Variants in MLF2 observed in about 807,000 individuals in gnomAD.
MLF2 encodes the protein myeloid leukemia factor 2, also known as myelodysplasia-myeloid leukemia factor 2.
In MLF2, 12 loss-of-function variants were observed where a neutral mutation model predicts 31.4. That is an observed-to-expected ratio of 0.38 (90% CI 0.24 to 0.62). The LOEUF (loss-of-function observed/expected upper bound fraction) is 0.62, where lower values mean the gene tolerates loss of function less well. MLF2 is among the 20% of genes least tolerant of loss of function. The pLI is 0.58. For missense variants in MLF2, 272 were observed against 359.7 expected (o/e 0.76, Z 1.97); for synonymous variants, 109 against 118.8 (o/e 0.92, Z 0.54).
chr12:6,750,244 G>A lies in MLF2; in HGVS notation c.332C>T (p.Ser111Phe), dbSNP rs748803004. 7 of 1,614,090 alleles carry A rather than the reference G, an allele frequency of 4.3e-6. No individual in the cohort carries two copies. The highest frequency in any genetic ancestry group is 5.9e-6 in the Non-Finnish European group (7 of 1,180,046). ...CTTGGGGGCACCATCACCCGTATTG[G>A]AGTAGGAGATGACAGTGGAAGATGA... ...TFSSSTVISYSNTGDGAPKVY... is the reference protein window; with the variant it reads ...TFSSSTVISYFNTGDGAPKVY... The change falls in exon 6 of 9, where the codon TCC becomes TTC. Residue 111 changes from serine to phenylalanine, a missense_variant. Ser to Phe is a radical substitution (Grantham distance 155, BLOSUM62 -2). Transcript: ENST00000203630. This position sits in a 1 kb window ranked among gnomAD's most constrained non-coding sequence, Gnocchi z 5.3.
In MLF2 at chr12:6,751,998, C is replaced by A; in HGVS notation, c.107G>T (p.Gly36Val). ...TGTGATGCTGAGGAAGGGGCTATATCCAAAGCCACCTGACAACATACGGCT... is the reference window on the plus strand; with the variant it reads ...TGTGATGCTGAGGAAGGGGCTATATACAAAGCCACCTGACAACATACGGCT... ...HMSRMLSGGFGYSPFLSITDG... is the reference protein window; with the variant it reads ...HMSRMLSGGFVYSPFLSITDG... The change falls in exon 3 of 9, where the codon GGA (glycine) becomes GTA (valine). Residue 36 changes from glycine to valine, a missense_variant. Gly to Val is a moderately radical substitution (Grantham distance 109). Coordinates refer to ENST00000203630, the MANE Select transcript of MLF2 (RefSeq NM_001382226.1). The A allele has an allele frequency of 6.2e-7, 1 of 1,614,204 alleles. No individual in the cohort carries two copies. Among genetic ancestry groups the A allele is most frequent in the Non-Finnish European group, 8.5e-7 (1 of 1,180,044 alleles).
rs2137778022 is a variant in MLF2 at position 6,748,715 on chromosome 12, T to G, written c.*25+55A>C. 7.4e-7 allele frequency: 1 copy of G among 1,358,382 alleles called. No homozygotes were observed. The highest frequency in any genetic ancestry group is 9.8e-7 in the Non-Finnish European group (1 of 1,022,444). 84.1% of individuals were successfully genotyped at this position (1,358,382 alleles called of 1,614,324 possible). On this transcript the variant is annotated intron_variant, in intron 8 of 8. Transcript: ENST00000203630. The surrounding 1 kb of genome is among the most constrained non-coding windows in gnomAD (Gnocchi z 4.6). ...GCGGGAGCCTGAACTGAGCCTGCCT[T>G]GCAGCCGAGGACCGTCCGCAGGTGC...
In MLF2 at chr12:6,752,721, TC is replaced by T; in HGVS notation, c.-29+217del. On this transcript the variant is annotated intron_variant, in intron 1 of 8. Transcript: ENST00000203630. This position sits in a 1 kb window ranked among gnomAD's most constrained non-coding sequence, Gnocchi z 4.6. ...TCCTCCGCCCCATTAATGACCCCAG[TC>T]ACCCCGCCCCCTCCTTACACTCAGG... 3 of 187,968 alleles carry T rather than the reference TC, an allele frequency of 1.6e-5. No homozygotes were observed. The Admixed American group carries it at 1.7e-4, about 11-fold the overall frequency. 11.6% of individuals were successfully genotyped at this position (187,968 alleles called of 1,614,324 possible).
chr12:6,750,496 A>T lies in MLF2; in HGVS notation c.271-191T>A. 1 of 896,234 alleles carries T rather than the reference A, an allele frequency of 1.1e-6. No individual in the cohort carries two copies. Among genetic ancestry groups the T allele is most frequent in the Non-Finnish European group, 1.7e-6 (1 of 595,310 alleles). 55.5% of individuals were successfully genotyped at this position (896,234 alleles called of 1,614,324 possible). On this transcript the variant is annotated intron_variant, in intron 5 of 8. Transcript: ENST00000203630. The surrounding 1 kb of genome is among the most constrained non-coding windows in gnomAD (Gnocchi z 5.3). ...CCACGAGCAAGAAGGACCTGAAGAGACAGGGCCTTAATTGTATGCTACGTA... is the reference window on the plus strand; with the variant it reads ...CCACGAGCAAGAAGGACCTGAAGAGTCAGGGCCTTAATTGTATGCTACGTA...
rs1347089462 is a variant in MLF2 at position 6,750,635 on chromosome 12, C to T, written c.270+78G>A. ...TACCCTTCACTAGCATACTGTTTCC[C>T]TCTTGCCTTAGAGGATGCAAGGTGT... On this transcript the variant is annotated intron_variant, in intron 5 of 8. Coordinates refer to ENST00000203630, the MANE Select transcript of MLF2 (RefSeq NM_001382226.1). This position sits in a 1 kb window ranked among gnomAD's most constrained non-coding sequence, Gnocchi z 5.3. 12 of 1,475,094 alleles carry T rather than the reference C, an allele frequency of 8.1e-6. No homozygotes were observed. The highest frequency in any genetic ancestry group is 1.1e-5 in the Non-Finnish European group (12 of 1,056,034). The allele number at this position is 1,475,094 out of a possible 1,614,324, so 91.4% of individuals were successfully genotyped here.
rs2302369 is a variant in MLF2 at position 6,750,563 on chromosome 12, G to A, written c.270+150C>T. 0.13 allele frequency: 130,300 copies of A among 1,005,460 alleles called. 9,165 individuals are homozygous for A. The highest frequency in any genetic ancestry group is 0.21 in the African/African-American group (12,875 of 62,324). 62.3% of individuals were successfully genotyped at this position (1,005,460 alleles called of 1,614,324 possible). ...CTGCTTCAGGCAGGCATGACAGCAG[G>A]TACAGGGTCCCAAGGCTCTCTGGTT... On this transcript the variant is annotated intron_variant, in intron 5 of 8. Coordinates refer to ENST00000203630, the MANE Select transcript of MLF2 (RefSeq NM_001382226.1). This position sits in a 1 kb window ranked among gnomAD's most constrained non-coding sequence, Gnocchi z 5.3.
chr12:6,751,698 A>C, intron 3 of MLF2, 22 bp from the exon 4 acceptor site: 4 of 1,613,800 alleles, frequency 2.5e-6, no homozygotes, highest in Non-Finnish European at 2.5e-6. Flanking sequence ...CATGAGGAAC[A>C]GAAATTAGAG....
rs1941559797 is a variant in MLF2 at position 6,748,541 on chromosome 12, C to T, written c.*32G>A. ...AGGGGATGATTTCTCAGCCTCTCAG[C>T]CTGTACCTGGAGGGGGAAAGAGAGA... On this transcript the variant is annotated 3_prime_UTR_variant, in exon 9 of 9. Coordinates refer to ENST00000203630, the MANE Select transcript of MLF2 (RefSeq NM_001382226.1). The surrounding 1 kb of genome is among the most constrained non-coding windows in gnomAD (Gnocchi z 4.6). 1 of 396,172 alleles carries T rather than the reference C, an allele frequency of 2.5e-6. No homozygotes were observed. Among genetic ancestry groups the T allele is most frequent in the South Asian group, 7.2e-5 (1 of 13,880 alleles). 24.5% of individuals were successfully genotyped at this position (396,172 alleles called of 1,614,324 possible).
Position 6,750,938 on chromosome 12 carries a change from C to T in MLF2, c.217-172G>A, listed in dbSNP as rs1941604528. 1 of 639,350 alleles carries T rather than the reference C, an allele frequency of 1.6e-6. No individual in the cohort carries two copies. Among genetic ancestry groups the T allele is most frequent in the Non-Finnish European group, 2.8e-6 (1 of 353,896 alleles). The allele number at this position is 639,350 out of a possible 1,614,324, so 39.6% of individuals were successfully genotyped here. ...AAATAACCAGAATACTCATATTTCT[C>T]CTCCTGTGAACTGCTGACCCCTTCC... On this transcript the variant is annotated intron_variant, in intron 4 of 8. Transcript: ENST00000203630. This position sits in a 1 kb window ranked among gnomAD's most constrained non-coding sequence, Gnocchi z 5.3.
chr12:6,751,454 CA>C (rs1468219947), intron 4 of MLF2, among the ~76,000 whole-genome samples, 186 bp downstream of exon 4: 1 of 152,096 alleles, frequency 6.6e-6, no homozygotes, highest in Admixed American at 6.6e-5. Flanking sequence ...GGCCTCCCAA[CA>C]AGAGTTTAAC....
chr12:6,748,749 C>A lies in MLF2; in HGVS notation c.*25+21G>T. On this transcript the variant is annotated intron_variant, in intron 8 of 8. Coordinates refer to ENST00000203630, the MANE Select transcript of MLF2 (RefSeq NM_001382226.1). The surrounding 1 kb of genome is among the most constrained non-coding windows in gnomAD (Gnocchi z 4.6). ...GGACCGTCCGCAGGTGCACCCCACC[C>A]TCCTTACTCCTGATACTTACAAGAG... The A allele has an allele frequency of 6.8e-7, 1 of 1,467,158 alleles. No individual in the cohort carries two copies. The highest frequency in any genetic ancestry group is 9.0e-7 in the Non-Finnish European group (1 of 1,112,490). The allele number at this position is 1,467,158 out of a possible 1,614,324, so 90.9% of individuals were successfully genotyped here. A position where few individuals can be genotyped will look rare whatever the true frequency, so the allele number is the denominator to read the frequency against.
Position 6,748,951 on chromosome 12 carries a change from C to T in MLF2, c.591G>A (p.Arg197=). The change falls in exon 8 of 9, where the codon CGG becomes CGA. Residue 197 remains arginine, a synonymous_variant. Coordinates refer to ENST00000203630, the MANE Select transcript of MLF2 (RefSeq NM_001382226.1). The surrounding 1 kb of genome is among the most constrained non-coding windows in gnomAD (Gnocchi z 4.6). ...SEAAAFDDEW[R]RETSRFRQQR... is the part of the protein sequence containing the mutation. ...GCTGCCGGAATCGGGAGGTCTCCCG[C>T]CGCCACTCGTCATCAAACGCTGCGG... The T allele has an allele frequency of 6.2e-7, 1 of 1,602,342 alleles. No homozygotes were observed. The highest frequency in any genetic ancestry group is 8.5e-7 in the Non-Finnish European group (1 of 1,175,080).
At position 6,752,188 on chromosome 12, in the gene MLF2, G is replaced by A; in HGVS notation, c.50+97C>T. Reference sequence around the variant, plus strand: ...CTGCTAGGTAGGAGCTAGGTATCCAGCCAGTTCCAACCATTCCTAGCAATG... The same window carrying A: ...CTGCTAGGTAGGAGCTAGGTATCCAACCAGTTCCAACCATTCCTAGCAATG... On this transcript the variant is annotated intron_variant, in intron 2 of 8. Transcript: ENST00000203630. The surrounding 1 kb of genome is among the most constrained non-coding windows in gnomAD (Gnocchi z 4.6). 6.5e-7 allele frequency: 1 copy of A among 1,539,084 alleles called. No homozygotes were observed. Among genetic ancestry groups the A allele is most frequent in the East Asian group, 2.4e-5 (1 of 41,660 alleles).
rs1423703577 is a variant in MLF2 at position 6,749,996 on chromosome 12, T to A, written c.411A>T (p.Thr137=). ...TGTCTGAATCCCGAACAGTCCTCCG[T>A]GTCTCCCGGATCTGGGATGAGGCAG... ...MRSAPGGIRE[T]RRTVRDSDSG... The change falls in exon 7 of 9, where the codon ACA becomes ACT. Residue 137 remains threonine, a synonymous_variant. Transcript: ENST00000203630. This position sits in a 1 kb window ranked among gnomAD's most constrained non-coding sequence, Gnocchi z 5.3. 3 of 1,614,178 alleles carry A rather than the reference T, an allele frequency of 1.9e-6. No homozygotes were observed. The highest frequency in any genetic ancestry group is 1.6e-4 in the Middle Eastern group (1 of 6,062).
In MLF2 at chr12:6,748,823, G is replaced by C. The variant is rs372900984; in HGVS notation, c.719C>G (p.Ser240Cys). ...CCAGTCATAGCGGCGGGACTGTCGGGAAGGGGAGTCCTCAGGTCCCTGGAT... is the reference window on the plus strand; with the variant it reads ...CCAGTCATAGCGGCGGGACTGTCGGCAAGGGGAGTCCTCAGGTCCCTGGAT... The part of the protein sequence containing the change: ...LAIQGPEDSP[S>C]RQSRRYDW Residue 240 changes from serine (S) to cysteine (C), a missense_variant, in exon 8 of 9, where the codon TCC becomes TGC. Transcript: ENST00000203630. This position sits in a 1 kb window ranked among gnomAD's most constrained non-coding sequence, Gnocchi z 4.6. The C allele has an allele frequency of 7.6e-5, 118 of 1,552,258 alleles. No individual in the cohort carries two copies. Among genetic ancestry groups the C allele is most frequent in the Middle Eastern group, 1.7e-4 (1 of 5,850 alleles).
At position 6,748,881 on chromosome 12, in the gene MLF2, C is replaced by T. The variant is rs1346264846; in HGVS notation, c.661G>A (p.Gly221Arg). ...CGGGGAGGCCCCTCCGCCCTTCGTCCCCCAGCCCCTGAGGACTCAAGCCGC... is the reference window on the plus strand; with the variant it reads ...CGGGGAGGCCCCTCCGCCCTTCGTCTCCCAGCCCCTGAGGACTCAAGCCGC... ...FRRLESSGAG[G>R]RRAEGPPRLA... is the part of the protein sequence containing the mutation. Residue 221 changes from glycine to arginine, a missense_variant, in exon 8 of 9, where the codon GGA becomes AGA. Transcript: ENST00000203630. The surrounding 1 kb of genome is among the most constrained non-coding windows in gnomAD (Gnocchi z 4.6). 3 of 1,599,956 alleles carry T rather than the reference C, an allele frequency of 1.9e-6. No homozygotes were observed. The highest frequency in any genetic ancestry group is 1.1e-5 in the South Asian group (1 of 89,214).
chr12:6,752,074 T>A lies in MLF2; in HGVS notation c.51-20A>T, dbSNP rs765811841. ...GGATCCCTGTGGAGTGAGCACATAG[T>A]ATGGATGGCAGAAGCGCCAAACTGT... On this transcript the variant is annotated intron_variant, in intron 2 of 8. Coordinates refer to ENST00000203630, the MANE Select transcript of MLF2 (RefSeq NM_001382226.1). This position sits in a 1 kb window ranked among gnomAD's most constrained non-coding sequence, Gnocchi z 4.6. 6.2e-7 allele frequency: 1 copy of A among 1,613,762 alleles called. No homozygotes were observed. Among genetic ancestry groups the A allele is most frequent in the Non-Finnish European group, 8.5e-7 (1 of 1,179,866 alleles).
chr12:6,752,057 G>A lies in MLF2; in HGVS notation c.51-3C>T. 6.2e-7 allele frequency: 1 copy of A among 1,613,990 alleles called. No homozygotes were observed. Among genetic ancestry groups the A allele is most frequent in the Non-Finnish European group, 8.5e-7 (1 of 1,179,868 alleles). ...GACGGTGAATAGCAAAGGGATCCCT[G>A]TGGAGTGAGCACATAGTATGGATGG... On this transcript the variant is annotated splice_region_variant and splice_polypyrimidine_tract_variant and intron_variant, in intron 2 of 8. Transcript: ENST00000203630. This position sits in a 1 kb window ranked among gnomAD's most constrained non-coding sequence, Gnocchi z 4.6.
Position 6,748,686 on chromosome 12 carries a change from TCCTGCGGGAG to T in MLF2, c.*25+74_*25+83del. The T allele has an allele frequency of 5.6e-6, 6 of 1,063,700 alleles. No homozygotes were observed. The South Asian group carries it at 7.5e-5, about 13-fold the overall frequency. 65.9% of individuals were successfully genotyped at this position (1,063,700 alleles called of 1,614,324 possible). On this transcript the variant is annotated intron_variant, in intron 8 of 8. Coordinates refer to ENST00000203630, the MANE Select transcript of MLF2 (RefSeq NM_001382226.1). The surrounding 1 kb of genome is among the most constrained non-coding windows in gnomAD (Gnocchi z 4.6). Reference sequence around the variant, plus strand: ...GTCAACTTGTACTACCAAAGGCAGCTCCTGCGGGAGCCTGAACTGAGCCTGCCTTGCAGCC... The same window carrying T: ...GTCAACTTGTACTACCAAAGGCAGCTCCTGAACTGAGCCTGCCTTGCAGCC...
Sources: allele counts gnomAD v4.1 joint callset (sites outside exome capture counted in the v4.1 genomes callset), GRCh38; gene constraint gnomAD v4.1.1; non-coding constraint Gnocchi (gnomAD v3.1); transcripts MANE v1.5; gene names NCBI Gene and HGNC (gene_info 2026-07-23, HGNC 2026-07-21).